The following KHDC4 variants were observed in gnomAD, a reference collection of about 807,000 sequenced individuals.
The protein encoded by KHDC4 is KH domain containing 4, pre-mRNA splicing factor.
A neutral mutation model predicts 74.5 loss-of-function variants in KHDC4; 19 were observed. The ratio of observed to expected loss-of-function variants is 0.26; its 90% CI spans 0.18 to 0.37. The LOEUF (loss-of-function observed/expected upper bound fraction) is 0.37, where lower values mean the gene tolerates loss of function less well. Among genes scored for constraint, KHDC4 ranks in the 10% least tolerant of loss-of-function variants. KHDC4 has a pLI of 1.00. For missense variants in KHDC4, 632 were observed against 754.1 expected (o/e 0.84, Z 1.90); for synonymous variants, 253 against 266.1 (o/e 0.95, Z 0.48).
At chr1:155,932,957 T>A (rs533213964) in intron 2 of KHDC4, among the ~76,000 whole-genome samples, 1 of 152,030 alleles carries the variant, frequency 6.6e-6, no homozygotes, top group South Asian at 2.1e-4. Context: ...AATAAATAAA[T>A]AAAACCCTAC....
intron 2 of KHDC4, among the ~76,000 whole-genome samples, chr1:155,933,226 C>T (rs1674181240): frequency 6.6e-6 from 1 of 152,058 alleles, no homozygotes; most frequent in African/African-American, 2.4e-5. Flanking sequence ...AATGATCTCT[C>T]AACTACTATA....
Position 155,922,011 on chromosome 1 carries a change from G to C in KHDC4, c.955-93C>G, listed in dbSNP as rs1673874956. ...CATAATTCTAGGACCAAAGCCATTA[G>C]GAATTAAAATATATCTACCAATGTT... On this transcript the variant is annotated intron_variant, in intron 8 of 13. Transcript: ENST00000368321. 4.0e-6 allele frequency: 3 copies of C among 741,708 alleles called. No homozygotes were observed. The South Asian group carries it at 5.3e-5, about 13-fold the overall frequency. 45.9% of individuals were successfully genotyped at this position (741,708 alleles called of 1,614,324 possible).
intron 4 of KHDC4, among the ~76,000 whole-genome samples, chr1:155,927,874 A>ACACACACAC (rs1557970777): frequency 1.0e-4 from 7 of 68,122 alleles, no homozygotes; most frequent in South Asian, 1.1e-3. Context: ...ACACACACAC[A>ACACACACAC]AAATTAATGG....
rs1422935827 is a variant in KHDC4 at position 155,925,762 on chromosome 1, G to C, written c.763C>G (p.Pro255Ala). Residue 255 changes from proline (P) to alanine (A), a missense_variant, in exon 7 of 14, where the codon CCA (proline) becomes GCA (alanine). Transcript: ENST00000368321. ...TFNVKEKVEG[P>A]GCSYLQHIQI... Reference sequence around the variant, plus strand: ...ATGTGCTGCAAATAGGAGCAGCCTGGACCTTCCACCTTCTCCTTGACATTA... The same window carrying C: ...ATGTGCTGCAAATAGGAGCAGCCTGCACCTTCCACCTTCTCCTTGACATTA... 1 of 1,614,090 alleles carries C rather than the reference G, an allele frequency of 6.2e-7. No homozygotes were observed. The highest frequency in any genetic ancestry group is 2.2e-5 in the East Asian group (1 of 44,890).
At chr1:155,932,899 T>C (rs1674170858) in intron 2 of KHDC4, among the ~76,000 whole-genome samples, 1 of 152,156 alleles carries the variant, frequency 6.6e-6, no homozygotes, top group Non-Finnish European at 1.5e-5. Flanking sequence ...ATCACCCCAC[T>C]ACTGCACTTC....
chr1:155,923,486 A>C (rs1673913983), intron 8 of KHDC4, 141 bp downstream of exon 8: 1 of 636,272 alleles, frequency 1.6e-6, no homozygotes, highest in South Asian at 1.9e-5. Flanking sequence ...TGATAGAATA[A>C]ATTTGTGTTA....
intron 2 of KHDC4, among the ~76,000 whole-genome samples, chr1:155,930,319 A>G (rs1472459328): frequency 6.6e-6 from 1 of 152,214 alleles, no homozygotes; most frequent in African/African-American, 2.4e-5. Flanking sequence ...CATTCTTCAT[A>G]AACGAATTAA....
chr1:155,917,353 T>C (rs1673755032), intron 11 of KHDC4, 146 bp downstream of exon 11: 1 of 722,582 alleles, frequency 1.4e-6, no homozygotes, highest in Non-Finnish European at 2.4e-6. Flanking sequence ...CAAGAGTCTG[T>C]TGAATAGGAT....
intron 11 of KHDC4, among the ~76,000 whole-genome samples, chr1:155,917,282 T>A (rs1255965577): frequency 6.6e-6 from 1 of 152,048 alleles, no homozygotes; most frequent in Admixed American, 6.6e-5. Flanking sequence ...ACAAACCACA[T>A]ACTGGTAGAT....
chr1:155,932,889 A>G (rs1674170639), intron 2 of KHDC4, among the ~76,000 whole-genome samples: 1 of 152,144 alleles, frequency 6.6e-6, no homozygotes, highest in Non-Finnish European at 1.5e-5. Flanking sequence ...GTGAGCCGAG[A>G]TCACCCCACT....
chr1:155,913,533 T>C lies in KHDC4; in HGVS notation c.*588A>G, dbSNP rs1019537603. ...GGATCACCCCAATTAAAAAACACAA[T>C]GAAAAAATAATTTCATTTTCCTATC... On this transcript the variant is annotated 3_prime_UTR_variant, in exon 14 of 14. Transcript: ENST00000368321. 5.9e-5 allele frequency: 9 copies of C among 152,410 alleles called. No homozygotes were observed. Among genetic ancestry groups the C allele is most frequent in the Non-Finnish European group, 7.3e-5 (5 of 68,150 alleles). 9.4% of individuals were successfully genotyped at this position (152,410 alleles called of 1,614,324 possible). A position where few individuals can be genotyped will look rare whatever the true frequency, so the allele number is the denominator to read the frequency against.
At chr1:155,927,064 C>A in intron 5 of KHDC4, 40 bp downstream of exon 5, 1 of 1,593,844 alleles carries the variant, frequency 6.3e-7, no homozygotes, top group South Asian at 1.1e-5. Context: ...GTACTTTGCT[C>A]TTCACAAAAA....
chr1:155,932,950 A>C (rs1255230103), intron 2 of KHDC4, among the ~76,000 whole-genome samples: 1 of 152,180 alleles, frequency 6.6e-6, no homozygotes, highest in African/African-American at 2.4e-5. Context: ...ATAAATAAAT[A>C]AATAAATAAA....
chr1:155,918,939 G>C (rs530182832), intron 10 of KHDC4, among the ~76,000 whole-genome samples: 1 of 147,102 alleles, frequency 6.8e-6, no homozygotes, highest in African/African-American at 2.5e-5. Flanking sequence ...GGGAAAGCAA[G>C]ATCAACCCTG....
rs1407181751 is a variant in KHDC4 at position 155,927,830 on chromosome 1, AACCACACACACACACAC to A, written c.465-691_465-675del. ...AAAAAAAAAAAAAAAAAAAAAAAAA[AACCACACACACACACAC>A]ACACACACACACACACACACACACA... On this transcript the variant is annotated intron_variant, in intron 4 of 13. Transcript: ENST00000368321. Among the ~76,000 whole-genome samples, 83 of 37,780 alleles carry A rather than the reference AACCACACACACACACAC, an allele frequency of 2.2e-3. 2 individuals are homozygous for A. The highest frequency in any genetic ancestry group is 0.011 in the Middle Eastern group (1 of 94). The allele number at this position is 37,780 out of a possible 152,430, so 24.8% of individuals were successfully genotyped here.
chr1:155,916,805 G>T (rs1258408177), intron 11 of KHDC4, 68 bp from the exon 12 acceptor site: 1 of 1,021,680 alleles, frequency 9.8e-7, no homozygotes, highest in Non-Finnish European at 1.5e-6. Context: ...GCTCCTTAAT[G>T]TAACTGTCAA....
intron 3 of KHDC4, 139 bp from the exon 4 acceptor site, chr1:155,929,514 G>A (rs1674098349): frequency 2.0e-6 from 2 of 998,432 alleles, no homozygotes; most frequent in Non-Finnish European, 3.0e-6. Flanking sequence ...TGATTCCATG[G>A]TTTCTTACTC....
rs1263980955 is a variant in KHDC4 at position 155,929,527 on chromosome 1, A to G, written c.385-152T>C. ...TTTGATTCCATGGTTTCTTACTCAA[A>G]CCAACCCAGAGAATTCATTTATATC... is the stretch of plus-strand genomic sequence containing the variant. On this transcript the variant is annotated intron_variant, in intron 3 of 13. Transcript: ENST00000368321. 4.9e-6 allele frequency: 5 copies of G among 1,014,594 alleles called. No homozygotes were observed. The East Asian group carries it at 1.0e-4, about 20-fold the overall frequency. The allele number at this position is 1,014,594 out of a possible 1,614,324, so 62.8% of individuals were successfully genotyped here.
chr1:155,928,233 G>C (rs1674063219), intron 4 of KHDC4, among the ~76,000 whole-genome samples: 1 of 152,090 alleles, frequency 6.6e-6, no homozygotes, highest in Admixed American at 6.5e-5. Flanking sequence ...ATTTAGCCGG[G>C]TGTGGTGGCG....
Sources: allele counts gnomAD v4.1 joint callset (sites outside exome capture counted in the v4.1 genomes callset), GRCh38; gene constraint gnomAD v4.1.1; transcripts MANE v1.5; gene names NCBI Gene and HGNC (gene_info 2026-07-23, HGNC 2026-07-21).